The following SSR1 variants were observed in gnomAD, a reference collection of about 807,000 sequenced individuals.
SSR1 encodes the protein translocon-associated protein subunit alpha.
A neutral mutation model predicts 36.1 loss-of-function variants in SSR1; 13 were observed. The ratio of observed to expected loss-of-function variants is 0.36; its 90% CI spans 0.23 to 0.57. The LOEUF (loss-of-function observed/expected upper bound fraction) is 0.57. Among genes scored for constraint, SSR1 ranks in the 20% least tolerant of loss-of-function variants. The probability of loss-of-function intolerance (pLI) is 0.81; values close to 1 mark genes in which losing one functional copy is unlikely to be tolerated. For missense variants in SSR1, 291 were observed against 338.5 expected (o/e 0.86, Z 1.10); for synonymous variants, 113 against 118.9 (o/e 0.95, Z 0.32).
chr6:7,292,260 T>C (rs1757701102), intron 7 of SSR1, among the ~76,000 whole-genome samples: 1 of 152,200 alleles, frequency 6.6e-6, no homozygotes, highest in Non-Finnish European at 1.5e-5. Flanking sequence ...TCTCTCCTCA[T>C]CCTTCCATGC....
rs1017509686 is a variant in SSR1 at position 7,286,599 on chromosome 6, A to T, written c.*3265T>A. The T allele has an allele frequency of 3.3e-5, 5 of 152,204 alleles. No individual in the cohort carries two copies. The highest frequency in any genetic ancestry group is 7.3e-5 in the Non-Finnish European group (5 of 68,044). 9.4% of individuals were successfully genotyped at this position (152,204 alleles called of 1,614,324 possible). ...CATTGATTTTAGTTCTACAGCTATA[A>T]AATGATGCCATTCAAAAAGTGAACA... On this transcript the variant is annotated 3_prime_UTR_variant, in exon 8 of 8. Transcript: ENST00000244763.
chr6:7,306,133 C>T (rs1037698144), intron 2 of SSR1, among the ~76,000 whole-genome samples: 12 of 152,142 alleles, frequency 7.9e-5, no homozygotes, highest in African/African-American at 2.9e-4. Context: ...TTTTAAATAA[C>T]TATTTTTTTT....
chr6:7,310,095 T>C (rs1758157011), intron 1 of SSR1, 66 bp from the exon 2 acceptor site: 1 of 1,392,304 alleles, frequency 7.2e-7, no homozygotes, highest in African/African-American at 1.4e-5. Context: ...TTTTTTAACA[T>C]CAGGTATAGG....
rs754366958 is a variant in SSR1 at position 7,297,894 on chromosome 6, G to T, written c.699+29C>A. The T allele has an allele frequency of 1.1e-5, 17 of 1,580,474 alleles. No individual in the cohort carries two copies. In the African/African-American group the frequency reaches 1.9e-4, roughly 18 times the overall value. On this transcript the variant is annotated intron_variant, in intron 6 of 7. Transcript: ENST00000244763. Reference sequence around the variant, plus strand: ...TAGTACTTAACAACTTTTGAAACACGGCTGTAAGAGGTGTTCATCCATAAT... The same window carrying T: ...TAGTACTTAACAACTTTTGAAACACTGCTGTAAGAGGTGTTCATCCATAAT...
intron 7 of SSR1, among the ~76,000 whole-genome samples, chr6:7,291,913 A>C (rs1175401790): frequency 4.6e-5 from 7 of 152,036 alleles, no homozygotes; most frequent in Non-Finnish European, 1.0e-4. Context: ...CCCTACAACA[A>C]ATATAAAAAT....
Position 7,285,382 on chromosome 6 carries a change from C to G in SSR1, c.*4482G>C, listed in dbSNP as rs1285008492. ...CGTAATACAACACACCAGACAGAAGCCTTACCCTGTGAGCCGGGCGCAGTG... is the reference window on the plus strand; with the variant it reads ...CGTAATACAACACACCAGACAGAAGGCTTACCCTGTGAGCCGGGCGCAGTG... On this transcript the variant is annotated 3_prime_UTR_variant, in exon 8 of 8. Transcript: ENST00000244763. The surrounding 1 kb of genome is among the most constrained non-coding windows in gnomAD (Gnocchi z 4.1). 1 of 152,194 alleles carries G rather than the reference C, an allele frequency of 6.6e-6. No individual in the cohort carries two copies. The highest frequency in any genetic ancestry group is 2.4e-5 in the African/African-American group (1 of 41,438). 9.4% of individuals were successfully genotyped at this position (152,194 alleles called of 1,614,324 possible). A position where few individuals can be genotyped will look rare whatever the true frequency, so the allele number is the denominator to read the frequency against.
intron 2 of SSR1, among the ~76,000 whole-genome samples, chr6:7,309,508 G>A (rs942758106): frequency 9.9e-5 from 15 of 152,160 alleles, no homozygotes; most frequent in Admixed American, 5.9e-4. Flanking sequence ...TATTGATAAC[G>A]GTTTTGCTGT....
In SSR1 at chr6:7,289,806, A is replaced by G; in HGVS notation, c.*58T>C. 1 of 1,498,044 alleles carries G rather than the reference A, an allele frequency of 6.7e-7. No individual in the cohort carries two copies. The highest frequency in any genetic ancestry group is 1.4e-5 in the African/African-American group (1 of 69,458). The allele number at this position is 1,498,044 out of a possible 1,614,324, so 92.8% of individuals were successfully genotyped here. A position where few individuals can be genotyped will look rare whatever the true frequency, so the allele number is the denominator to read the frequency against. ...TGGCTTCTCTGCACTAATTCCCATC[A>G]GGCCGAAAAATATTAGGGCAGGTTA... On this transcript the variant is annotated 3_prime_UTR_variant, in exon 8 of 8. Coordinates refer to ENST00000244763, the MANE Select transcript of SSR1 (RefSeq NM_003144.5).
chr6:7,290,223 A>G (rs1757652204), intron 7 of SSR1, among the ~76,000 whole-genome samples: 2 of 152,270 alleles, frequency 1.3e-5, no homozygotes, highest in Non-Finnish European at 2.9e-5. Flanking sequence ...CTTCAATTCT[A>G]TAACTTAACC....
At chr6:7,305,302 G>T (rs1273563809) in intron 2 of SSR1, among the ~76,000 whole-genome samples, 9 of 152,200 alleles carry the variant, frequency 5.9e-5, no homozygotes, top group Non-Finnish European at 1.5e-5. Context: ...GGAGCATTCA[G>T]ATGAAACTAT....
In SSR1 at chr6:7,286,067, A is replaced by C. The variant is rs990878072; in HGVS notation, c.*3797T>G. 2.0e-5 allele frequency: 3 copies of C among 152,200 alleles called. No individual in the cohort carries two copies. Among genetic ancestry groups the C allele is most frequent in the Admixed American group, 2.0e-4 (3 of 15,272 alleles). The allele number at this position is 152,200 out of a possible 1,614,324, so 9.4% of individuals were successfully genotyped here. ...TTCAGGTTTTGTCTATTCCATCTAC[A>C]AAATGGGAACAGTATCACCTTCCTT... On this transcript the variant is annotated 3_prime_UTR_variant, in exon 8 of 8. Coordinates refer to ENST00000244763, the MANE Select transcript of SSR1 (RefSeq NM_003144.5).
intron 1 of SSR1, among the ~76,000 whole-genome samples, chr6:7,312,310 C>A (rs1357395885): frequency 1.3e-5 from 2 of 152,084 alleles, no homozygotes; most frequent in African/African-American, 2.4e-5. Flanking sequence ...TTTTTCAGCA[C>A]AATACGATGT....
chr6:7,297,777 G>C (rs554473834), intron 6 of SSR1, 146 bp downstream of exon 6: 23 of 568,530 alleles, frequency 4.0e-5, no homozygotes, highest in Non-Finnish European at 6.2e-5. Context: ...CATATCTAAG[G>C]CTTCAGGTTT....
At chr6:7,304,868 A>G (rs1297566353) in intron 2 of SSR1, among the ~76,000 whole-genome samples, 1 of 152,216 alleles carries the variant, frequency 6.6e-6, no homozygotes, top group Non-Finnish European at 1.5e-5. Context: ...ACTTGTCAAG[A>G]GCAAAGATTA....
chr6:7,304,392 G>C (rs1231063218), intron 2 of SSR1, among the ~76,000 whole-genome samples: 1 of 152,198 alleles, frequency 6.6e-6, no homozygotes, highest in Non-Finnish European at 1.5e-5. Flanking sequence ...GGGATCGCTA[G>C]ATGTGGCTTG....
intron 3 of SSR1, among the ~76,000 whole-genome samples, chr6:7,302,856 G>A (rs913398096): frequency 6.6e-6 from 1 of 152,040 alleles, no homozygotes; most frequent in Admixed American, 6.6e-5. Context: ...ATGTGACAAA[G>A]GGCCAGACGC....
intron 2 of SSR1, among the ~76,000 whole-genome samples, chr6:7,306,931 G>A (rs1415363255): frequency 2.8e-5 from 4 of 143,640 alleles, no homozygotes; most frequent in South Asian, 2.2e-4. Flanking sequence ...GTGGGGGGGT[G>A]GGGGAAAGCC....
chr6:7,310,709 A>G (rs1758174215), intron 1 of SSR1, among the ~76,000 whole-genome samples: 1 of 152,078 alleles, frequency 6.6e-6, no homozygotes, highest in Non-Finnish European at 1.5e-5. Flanking sequence ...CCAGGAGTTC[A>G]AGACCAGCCT....
intron 2 of SSR1, 168 bp downstream of exon 2, chr6:7,309,749 A>C: frequency 3.2e-6 from 2 of 625,072 alleles, no homozygotes; most frequent in Non-Finnish European, 5.7e-6. Context: ...AATTTCTGCC[A>C]TGATGGTAAG....
Sources: gnomAD v4.1 joint callset for allele counts (sites outside exome capture counted in the v4.1 genomes callset) on GRCh38, gnomAD v4.1.1 for gene constraint, Gnocchi (gnomAD v3.1) non-coding constraint, MANE v1.5 for transcripts, NCBI Gene and HGNC (gene_info 2026-07-23, HGNC 2026-07-21) for gene names.